Variants in OSBPL10 observed in about 807,000 individuals in gnomAD.
The protein encoded by OSBPL10 is oxysterol binding protein like 10.
A neutral mutation model predicts 81.7 loss-of-function variants in OSBPL10; 49 were observed. The observed-to-expected ratio is 0.60, with a 90% CI of 0.48 to 0.76. The LOEUF is 0.76. OSBPL10 is among the 30% of genes least tolerant of loss of function. The pLI is 0.00. For synonymous variants in OSBPL10, 419 were observed against 383.6 expected, an observed-to-expected ratio of 1.09 and a Z score of -1.08; for missense variants, 923 against 987.8, an observed-to-expected ratio of 0.93 and a Z score of 0.88.
intron 6 of OSBPL10, among the ~76,000 whole-genome samples, chr3:31,705,217 TTC>T (rs1360764396): frequency 6.6e-6 from 1 of 152,160 alleles, no homozygotes; most frequent in Non-Finnish European, 1.5e-5. Flanking sequence ...AACTTGCCCT[TTC>T]TCTCCCAATG....
chr3:31,779,807 C>T (rs1168626728), intron 4 of OSBPL10, among the ~76,000 whole-genome samples: 1 of 152,146 alleles, frequency 6.6e-6, no homozygotes, highest in African/African-American at 2.4e-5. Context: ...TACCACAAAA[C>T]AAGTCTCAAG....
intron 2 of OSBPL10, among the ~76,000 whole-genome samples, chr3:32,041,079 G>A (rs1263146347): frequency 6.6e-6 from 1 of 152,148 alleles, no homozygotes; most frequent in Non-Finnish European, 1.5e-5. Context: ...CTGGGCAGGT[G>A]CCCGCTTGGA....
At chr3:31,739,585 G>A (rs62243940) in intron 5 of OSBPL10, among the ~76,000 whole-genome samples, 3 of 152,196 alleles carry the variant, frequency 2.0e-5, no homozygotes, top group African/African-American at 7.2e-5. Context: ...AAAAGAAGTG[G>A]AAGACATACC....
chr3:32,021,491 G>A (rs763044446), intron 2 of OSBPL10, among the ~76,000 whole-genome samples: 2 of 152,174 alleles, frequency 1.3e-5, no homozygotes, highest in African/African-American at 4.8e-5. Flanking sequence ...ACTCCCTTAC[G>A]CTCATGAATG....
intron 1 of OSBPL10, among the ~76,000 whole-genome samples, chr3:31,899,595 C>T (rs1294741437): frequency 1.3e-5 from 2 of 151,972 alleles, no homozygotes; most frequent in Non-Finnish European, 2.9e-5. Flanking sequence ...TTTGAGAGGC[C>T]GAGGTGAGAG....
Position 31,683,651 on chromosome 3 carries a change from A to G in OSBPL10, c.1709T>C (p.Val570Ala). The G allele has an allele frequency of 1.9e-6, 3 of 1,611,386 alleles. No homozygotes were observed. The highest frequency in any genetic ancestry group is 1.7e-6 in the Non-Finnish European group (2 of 1,177,914). ...KSKFMGMSVG[V>A]SMIGEGVLRL... ...TGGCTTACCTTCCCCTATCATAGAG[A>G]CCCCCACGGACATGCCCATGAACTT... The change falls in exon 8 of 12, where the codon GTC becomes GCC. Residue 570 changes from valine to alanine, a missense_variant. Around this residue, in one of 3 missense-constraint regions of OSBPL10, gnomAD observed 387 missense variants for 436.3 expected, o/e 0.89. Coordinates refer to ENST00000396556, the MANE Select transcript of OSBPL10 (RefSeq NM_017784.5).
intron 2 of OSBPL10, among the ~76,000 whole-genome samples, chr3:32,035,839 A>T (rs1472174083): frequency 6.6e-6 from 1 of 152,140 alleles, no homozygotes; most frequent in African/African-American, 2.4e-5. Flanking sequence ...TAAGTGTACA[A>T]TTGGGTGGCA....
rs545186640 is a variant in OSBPL10, at chr3:31,882,036, T to C, written c.282-2206A>G. 5.9e-5 allele frequency among the ~76,000 whole-genome samples: 9 copies of C among 152,338 alleles called. 1 individual carries two copies. The East Asian group carries it at 1.4e-3, about 23-fold the overall frequency. Reference sequence around the variant, plus strand: ...ATCACTTCTCCAGGACCTATTTACATACTTCATTCTCCAAATCTCCCTGTT... The same window carrying C: ...ATCACTTCTCCAGGACCTATTTACACACTTCATTCTCCAAATCTCCCTGTT... On this transcript the variant is annotated intron_variant, in intron 1 of 11. Coordinates refer to ENST00000396556, the MANE Select transcript of OSBPL10 (RefSeq NM_017784.5).
intron 1 of OSBPL10, among the ~76,000 whole-genome samples, chr3:31,941,241 T>A (rs1697528281): frequency 6.6e-6 from 1 of 152,206 alleles, no homozygotes; most frequent in African/African-American, 2.4e-5. Context: ...CTGTATTATA[T>A]CAAGATCCGG....
At chr3:32,048,310 ATTTT>A (rs71068027) in intron 1 of OSBPL10, among the ~76,000 whole-genome samples, 91,922 of 134,482 alleles carry the variant, frequency 0.68, 31,371 homozygotes, top group South Asian at 0.83. Flanking sequence ...CACTACTACT[ATTTT>A]TTTTTTTTTT....
intron 4 of OSBPL10, among the ~76,000 whole-genome samples, chr3:31,785,128 G>A (rs934428656): frequency 1.3e-5 from 2 of 152,026 alleles, no homozygotes; most frequent in Admixed American, 6.5e-5. Context: ...CAAGTGATCC[G>A]CCTGCCTCGG....
At chr3:31,741,904 C>T (rs1412810727) in intron 5 of OSBPL10, among the ~76,000 whole-genome samples, 2 of 152,206 alleles carry the variant, frequency 1.3e-5, no homozygotes, top group African/African-American at 4.8e-5. Flanking sequence ...TCTCTCTTCG[C>T]CTGCTGCCAT....
Position 31,971,141 on chromosome 3 carries a change from T to C in OSBPL10, c.281+9758A>G, listed in dbSNP as rs1698554290. ...TTTTCTGTTTTTTTTTCTTTTTTCT[T>C]TTTTTTTTTTTTTTTTTGAGCTGGA... is the stretch of plus-strand genomic sequence containing the variant. On this transcript the variant is annotated intron_variant, in intron 1 of 11. Coordinates refer to ENST00000396556, the MANE Select transcript of OSBPL10 (RefSeq NM_017784.5). Among the ~76,000 whole-genome samples the C allele has an allele frequency of 4.2e-5, 2 of 47,400 alleles. 1 individual carries two copies. The highest frequency in any genetic ancestry group is 5.9e-5 in the Non-Finnish European group (2 of 34,136). 31.1% of individuals were successfully genotyped at this position (47,400 alleles called of 152,430 possible). A position where few individuals can be genotyped will look rare whatever the true frequency, so the allele number is the denominator to read the frequency against.
chr3:31,695,558 C>T (rs777177894), intron 7 of OSBPL10, among the ~76,000 whole-genome samples: 1 of 152,206 alleles, frequency 6.6e-6, no homozygotes, highest in Non-Finnish European at 1.5e-5. Flanking sequence ...CACTCTCTCC[C>T]TCCATCCAGG....
chr3:31,699,268 T>A (rs905401082), intron 7 of OSBPL10, among the ~76,000 whole-genome samples: 1 of 152,182 alleles, frequency 6.6e-6, no homozygotes, highest in African/African-American at 2.4e-5. Context: ...AGGATCAAGT[T>A]TGTCCCCTTC....
At chr3:31,725,278 A>C (rs7629930) in intron 6 of OSBPL10, among the ~76,000 whole-genome samples, 8,401 of 152,296 alleles carry the variant, frequency 0.055, 757 homozygotes, top group African/African-American at 0.19. Context: ...TTGAGGGAGC[A>C]GTATATTTTT....
At chr3:31,925,700 C>A (rs1697053604) in intron 1 of OSBPL10, among the ~76,000 whole-genome samples, 1 of 152,038 alleles carries the variant, frequency 6.6e-6, no homozygotes, top group Non-Finnish European at 1.5e-5. Context: ...GTAATCCCAG[C>A]TACTTGGGAG....
intron 6 of OSBPL10, among the ~76,000 whole-genome samples, chr3:31,716,196 GGTTT>G (rs1208104875): frequency 8.6e-5 from 13 of 152,006 alleles, no homozygotes; most frequent in African/African-American, 9.7e-5. Context: ...TTTGGTTTGG[GGTTT>G]GTTTATCCTT....
chr3:31,713,102 T>C (rs1696317262), intron 6 of OSBPL10, among the ~76,000 whole-genome samples: 1 of 152,228 alleles, frequency 6.6e-6, no homozygotes, highest in South Asian at 2.1e-4. Context: ...TCTTAAATCA[T>C]AAAGTTCATC....
Sources: gnomAD v4.1 joint callset for allele counts (sites outside exome capture counted in the v4.1 genomes callset) on GRCh38, gnomAD v4.1.1 for gene constraint, gnomAD v4.1.1 regional missense constraint, MANE v1.5 for transcripts, NCBI Gene and HGNC (gene_info 2026-07-23, HGNC 2026-07-21) for gene names.